The following TACR1 variants were observed in gnomAD, a reference collection of about 807,000 sequenced individuals.
TACR1 encodes the protein substance-P receptor.
In TACR1, 25 loss-of-function variants were observed where a neutral mutation model predicts 35.8. The ratio of observed to expected loss-of-function variants is 0.70; its 90% confidence interval spans 0.51 to 0.98. TACR1 has a LOEUF of 0.98. Among genes scored for constraint, TACR1 ranks in the 50% least tolerant of loss-of-function variants. The pLI, the probability that TACR1 is intolerant of heterozygous loss-of-function variation, is 0.00. For synonymous variants in TACR1, 195 were observed against 206.7 expected, an observed-to-expected ratio of 0.94 and a Z score of 0.48; for missense variants, 478 against 522.9, an observed-to-expected ratio of 0.91 and a Z score of 0.84.
At chr2:75,126,598 A>C (rs942384610) in intron 1 of TACR1, among the ~76,000 whole-genome samples, 2 of 152,154 alleles carry the variant, frequency 1.3e-5, no homozygotes, top group Admixed American at 6.5e-5. Context: ...ATTTCATTAC[A>C]AGGACACCAA....
At chr2:75,082,350 G>C (rs1572918388) in intron 2 of TACR1, among the ~76,000 whole-genome samples, 1 of 152,278 alleles carries the variant, frequency 6.6e-6, no homozygotes, top group African/African-American at 2.4e-5. Context: ...TTGGTTCCAA[G>C]TCTTTGCTAT....
chr2:75,190,195 A>G (rs144805576), intron 1 of TACR1, among the ~76,000 whole-genome samples: 1 of 152,348 alleles, frequency 6.6e-6, no homozygotes, highest in East Asian at 1.9e-4. Flanking sequence ...TGCAATGAAC[A>G]CATTCTCATT....
intron 2 of TACR1, among the ~76,000 whole-genome samples, chr2:75,109,579 C>G (rs1308636508): frequency 2.6e-5 from 4 of 152,078 alleles, no homozygotes; most frequent in Non-Finnish European, 4.4e-5. Context: ...CAAAGTAATT[C>G]CATATTTGTT....
rs373147504 is a variant in TACR1 at position 75,186,371 on chromosome 2, C to CAAAAAA, written c.389+12169_389+12174dup. On this transcript the variant is annotated intron_variant, in intron 1 of 4. Transcript: ENST00000305249. ...TGGGCAACACAGCAAGACTCTGTCT[C>CAAAAAA]AAAAAAAAAAAAAAAAAAAAAGAAA... is the stretch of plus-strand genomic sequence containing the variant. 2.1e-3 allele frequency among the ~76,000 whole-genome samples: 168 copies of CAAAAAA among 81,644 alleles called. 1 individual carries two copies. The highest frequency in any genetic ancestry group is 1.9e-3 in the South Asian group (4 of 2,162). The allele number at this position is 81,644 out of a possible 152,430, so 53.6% of individuals were successfully genotyped here.
At chr2:75,146,141 C>T (rs988722854) in intron 1 of TACR1, among the ~76,000 whole-genome samples, 1 of 151,980 alleles carries the variant, frequency 6.6e-6, no homozygotes, top group Non-Finnish European at 1.5e-5. Flanking sequence ...TCTATTTTTT[C>T]AGATGGTGTC....
At chr2:75,166,558 C>T (rs920516746) in intron 1 of TACR1, among the ~76,000 whole-genome samples, 2 of 152,208 alleles carry the variant, frequency 1.3e-5, no homozygotes, top group Non-Finnish European at 2.9e-5. Flanking sequence ...TCCCACACAC[C>T]TTTATTGGTC....
chr2:75,093,591 G>A lies in TACR1; in HGVS notation c.584+26983C>T, dbSNP rs534352830. Among the ~76,000 whole-genome samples, 25 of 152,296 alleles carry A rather than the reference G, an allele frequency of 1.6e-4. No individual in the cohort carries two copies. In the East Asian group the frequency reaches 1.9e-3, roughly 12 times the overall value. On this transcript the variant is annotated intron_variant, in intron 2 of 4. Coordinates refer to ENST00000305249, the MANE Select transcript of TACR1 (RefSeq NM_001058.4). ...GCAGCCCCTGAGCCCACCCATCTGC[G>A]TAGACTGCAGGAGCTCCCTGCCTTG...
chr2:75,105,663 A>T (rs1217830267), intron 2 of TACR1, among the ~76,000 whole-genome samples: 1 of 152,030 alleles, frequency 6.6e-6, no homozygotes, highest in Non-Finnish European at 1.5e-5. Context: ...ATATACTTCA[A>T]TAAAGCTGAA....
chr2:75,057,112 C>T (rs532441774), intron 2 of TACR1, among the ~76,000 whole-genome samples: 2 of 152,334 alleles, frequency 1.3e-5, no homozygotes, highest in East Asian at 3.9e-4. Context: ...CCATCATATC[C>T]CCTGTGACCT....
At chr2:75,188,219 T>A (rs956510651) in intron 1 of TACR1, 1 of 152,248 alleles carries the variant, frequency 6.6e-6, no homozygotes, top group Non-Finnish European at 1.5e-5. Context: ...TAGGGTTTTC[T>A]TTTGTTTAAA....
intron 1 of TACR1, among the ~76,000 whole-genome samples, chr2:75,139,743 G>A (rs150068826): frequency 2.0e-5 from 3 of 152,330 alleles, no homozygotes; most frequent in South Asian, 2.1e-4. Context: ...GGATTTGAGA[G>A]GCTCCGTTGG....
At chr2:75,093,350 A>G (rs770853953) in intron 2 of TACR1, among the ~76,000 whole-genome samples, 3 of 152,156 alleles carry the variant, frequency 2.0e-5, no homozygotes, top group Non-Finnish European at 2.9e-5. Context: ...CAATGAAAGG[A>G]AGCAGAAGGC....
At chr2:75,083,919 T>G (rs1673141789) in intron 2 of TACR1, among the ~76,000 whole-genome samples, 1 of 152,110 alleles carries the variant, frequency 6.6e-6, no homozygotes, top group Non-Finnish European at 1.5e-5. Context: ...ACCCTTTATT[T>G]CTTTCTCCTG....
At chr2:75,143,965 C>A (rs1558567659) in intron 1 of TACR1, among the ~76,000 whole-genome samples, 1 of 152,168 alleles carries the variant, frequency 6.6e-6, no homozygotes, top group Non-Finnish European at 1.5e-5. Flanking sequence ...AGGGAATATT[C>A]TAATGCTGGT....
chr2:75,126,701 A>G (rs551672386), intron 1 of TACR1, among the ~76,000 whole-genome samples: 80 of 152,362 alleles, frequency 5.3e-4, no homozygotes, highest in African/African-American at 1.8e-3. Flanking sequence ...CAGAGCATAC[A>G]GACAGCCTAC....
intron 2 of TACR1, among the ~76,000 whole-genome samples, chr2:75,083,548 C>A (rs1039613227): frequency 5.9e-5 from 9 of 152,282 alleles, no homozygotes; most frequent in African/African-American, 2.2e-4. Flanking sequence ...TTGATTCTTC[C>A]TATCCATGAG....
At chr2:75,105,473 T>A (rs1384895183) in intron 2 of TACR1, among the ~76,000 whole-genome samples, 3 of 151,976 alleles carry the variant, frequency 2.0e-5, no homozygotes, top group African/African-American at 7.2e-5. Flanking sequence ...ATGACTATAG[T>A]TAATAATAAT....
intron 1 of TACR1, among the ~76,000 whole-genome samples, chr2:75,141,879 G>T (rs971733948): frequency 1.3e-5 from 2 of 152,090 alleles, no homozygotes; most frequent in Non-Finnish European, 2.9e-5. Context: ...CCCCACATCT[G>T]CCCTACTGTG....
At chr2:75,064,091 G>GA (rs11368506) in intron 2 of TACR1, among the ~76,000 whole-genome samples, 38,406 of 141,252 alleles carry the variant, frequency 0.27, 6,291 homozygotes, top group African/African-American at 0.45. Flanking sequence ...GCAGTGTTAG[G>GA]AAAAAAAAAA....
Sources: allele counts gnomAD v4.1 joint callset (sites outside exome capture counted in the v4.1 genomes callset), GRCh38; gene constraint gnomAD v4.1.1; transcripts MANE v1.5; gene names NCBI Gene and HGNC (gene_info 2026-07-23, HGNC 2026-07-21).